The following ZNF805 variants were observed in gnomAD, a reference collection of about 807,000 sequenced individuals.
ZNF805 encodes zinc finger protein 805, also known as CTC-444N24.8.
Under a neutral mutation model 13.6 loss-of-function variants are expected in ZNF805, and 7 were observed. The observed-to-expected ratio is 0.51, with a 90% CI of 0.29 to 0.97. The LOEUF is 0.97. Among genes scored for constraint, ZNF805 ranks in the 50% least tolerant of loss-of-function variants. The probability of loss-of-function intolerance (pLI) is 0.08; values close to 1 mark genes in which losing one functional copy is unlikely to be tolerated. For synonymous variants in ZNF805, 293 were observed against 279.8 expected, an observed-to-expected ratio of 1.05 and a Z score of -0.47; for missense variants, 604 against 771.0, an observed-to-expected ratio of 0.78 and a Z score of 2.57.
intron 1 of ZNF805, among the ~76,000 whole-genome samples, chr19:57,241,495 A>T (rs1390627270): frequency 6.6e-6 from 1 of 152,146 alleles, no homozygotes; most frequent in Non-Finnish European, 1.5e-5. Context: ...TAATTGCTTG[A>T]AGGATGGATG....
At position 57,252,648 on chromosome 19, in the gene ZNF805, G is replaced by A. The variant is rs2087658662; in HGVS notation, c.254-425G>A. 3.3e-5 allele frequency among the ~76,000 whole-genome samples: 5 copies of A among 152,188 alleles called. No individual in the cohort carries two copies. The South Asian group carries it at 1.0e-3, about 32-fold the overall frequency. On this transcript the variant is annotated intron_variant, in intron 3 of 3. Transcript: ENST00000414468. ...GACATTGCCCACATTGCCATGTGAA[G>A]TTTCCAGCCTTCGTCCCTTTTCCAG...
rs777947186 is a variant in ZNF805, at chr19:57,253,566, C to T, written c.747C>T (p.His249=). The T allele has an allele frequency of 1.9e-6, 3 of 1,614,038 alleles. No individual in the cohort carries two copies. Among genetic ancestry groups the T allele is most frequent in the Non-Finnish European group, 2.5e-6 (3 of 1,179,952 alleles). ...GCAAGAGTACATACCTCCTGCAGCA[C>T]CACATGGTCCACACTGGGGAGAAGC... The part of the protein sequence containing the change: ...TFSKSTYLLQ[H]HMVHTGEKPY... The change falls in exon 4 of 4, where the codon CAC becomes CAT. Residue 249 remains histidine, a synonymous_variant. Coordinates refer to ENST00000414468, the MANE Select transcript of ZNF805 (RefSeq NM_001023563.4). This position sits in a 1 kb window ranked among gnomAD's most constrained non-coding sequence, Gnocchi z 4.4.
chr19:57,254,529 A>G lies in ZNF805; in HGVS notation c.1710A>G (p.Thr570=). The G allele has an allele frequency of 1.2e-6, 2 of 1,614,210 alleles. No homozygotes were observed. The highest frequency in any genetic ancestry group is 1.7e-6 in the Non-Finnish European group (2 of 1,180,038). The change falls in exon 4 of 4, where the codon ACA becomes ACG. Residue 570 remains threonine (T), a synonymous_variant. Coordinates refer to ENST00000414468, the MANE Select transcript of ZNF805 (RefSeq NM_001023563.4). ...CTGGGAGAAATCCTATCAGTGTAAC[A>G]GATGTGGGAAGACCTTTTACAAGTG... ...MHTGRNPISV[T]DVGRPFTSGQ...
In ZNF805 at chr19:57,248,636, C is replaced by T. The variant is rs778361515; in HGVS notation, c.189C>T (p.Tyr63=). The T allele has an allele frequency of 6.3e-7, 1 of 1,599,684 alleles. No homozygotes were observed. ...CTGTTCCCAGACCTGAGCTGATCTA[C>T]CACCTAGAGCATGGGCAGGAGCCAT... The part of the protein sequence containing the change: ...GCPVPRPELI[Y]HLEHGQEPWT... Residue 63 remains tyrosine (Y), a synonymous_variant, in exon 3 of 4, where the codon TAC becomes TAT. Transcript: ENST00000414468.
Position 57,253,842 on chromosome 19 carries a change from T to G in ZNF805, c.1023T>G (p.Asn341Lys), listed in dbSNP as rs779028167. The change falls in exon 4 of 4, where the codon AAT becomes AAG. Residue 341 changes from asparagine (N) to lysine (K), a missense_variant. Asn to Lys is a moderately conservative substitution (Grantham distance 94). Around this residue, in one of 3 missense-constraint regions of ZNF805, gnomAD observed 228 missense variants for 352.8 expected, o/e 0.65. Coordinates refer to ENST00000414468, the MANE Select transcript of ZNF805 (RefSeq NM_001023563.4). This position sits in a 1 kb window ranked among gnomAD's most constrained non-coding sequence, Gnocchi z 4.4. Reference sequence around the variant, plus strand: ...ACTACATCATCCACAGTGGTGAGAATCCCTACGAGTGCTTCGAATGTGGCA... The same window carrying G: ...ACTACATCATCCACAGTGGTGAGAAGCCCTACGAGTGCTTCGAATGTGGCA... ...IRHYIIHSGE[N>K]PYECFECGKV... 3.7e-6 allele frequency: 6 copies of G among 1,613,496 alleles called. No individual in the cohort carries two copies. Among genetic ancestry groups the G allele is most frequent in the Non-Finnish European group, 5.1e-6 (6 of 1,179,910 alleles).
intron 1 of ZNF805, among the ~76,000 whole-genome samples, chr19:57,242,441 G>A (rs916117619): frequency 6.6e-5 from 10 of 152,214 alleles, no homozygotes; most frequent in Non-Finnish European, 1.3e-4. Context: ...GGCCTGGAAG[G>A]GCAAAATCCT....
chr19:57,240,871 C>T lies in ZNF805; in HGVS notation c.-21C>T. Reference sequence around the variant, plus strand: ...CCTGCTCGCCGCAGCCCCCGCCCCGCTAGGGCCACAGGGTCCCGGTATGGC... The same window carrying T: ...CCTGCTCGCCGCAGCCCCCGCCCCGTTAGGGCCACAGGGTCCCGGTATGGC... On this transcript the variant is annotated 5_prime_UTR_variant, in exon 1 of 4. Transcript: ENST00000414468. 6.5e-7 allele frequency: 1 copy of T among 1,549,892 alleles called. No individual in the cohort carries two copies. The highest frequency in any genetic ancestry group is 8.7e-7 in the Non-Finnish European group (1 of 1,146,028).
intron 1 of ZNF805, among the ~76,000 whole-genome samples, chr19:57,242,300 T>A (rs2122824143): frequency 6.6e-6 from 1 of 152,314 alleles, no homozygotes; most frequent in Non-Finnish European, 1.5e-5. Context: ...CAGTGGCCAT[T>A]GGAAGCGAAA....
chr19:57,241,619 C>G (rs2087580491), intron 1 of ZNF805, among the ~76,000 whole-genome samples: 1 of 151,084 alleles, frequency 6.6e-6, no homozygotes, highest in African/African-American at 2.4e-5. Flanking sequence ...CCTTCCTTTC[C>G]TCCCTGGCTC....
chr19:57,241,455 T>C (rs2087579449), intron 1 of ZNF805, among the ~76,000 whole-genome samples: 1 of 152,118 alleles, frequency 6.6e-6, no homozygotes, highest in Non-Finnish European at 1.5e-5. Context: ...TTTCCACTGC[T>C]AAAGTGTCAG....
chr19:57,247,317 C>T (rs1023873366), intron 2 of ZNF805, among the ~76,000 whole-genome samples: 1 of 152,202 alleles, frequency 6.6e-6, no homozygotes, highest in African/African-American at 2.4e-5. Context: ...AGGATGAATC[C>T]TCCAGCTCAC....
rs1339074000 is a variant in ZNF805, at chr19:57,248,693, C to T, written c.246C>T (p.Thr82=). ...WTRKEDLSQG[T]CPGDKGKPKS... is the part of the protein sequence containing the mutation. ...GGAAGGAAGACCTCTCCCAAGGCAC[C>T]TGTCCAGGTAGGAGCCAAGATCTGG... Residue 82 remains threonine, a synonymous_variant, in exon 3 of 4, where the codon ACC becomes ACT. Coordinates refer to ENST00000414468, the MANE Select transcript of ZNF805 (RefSeq NM_001023563.4). The T allele has an allele frequency of 6.3e-7, 1 of 1,588,328 alleles. No individual in the cohort carries two copies. Among genetic ancestry groups the T allele is most frequent in the Admixed American group, 1.8e-5 (1 of 56,246 alleles).
chr19:57,248,401 GACTT>G (rs1264800492), intron 2 of ZNF805, among the ~76,000 whole-genome samples, 200 bp from the exon 3 acceptor site: 1 of 152,148 alleles, frequency 6.6e-6, no homozygotes, highest in Non-Finnish European at 1.5e-5. Context: ...ACTAGTTTTT[GACTT>G]ACTATTAGGA....
intron 2 of ZNF805, among the ~76,000 whole-genome samples, chr19:57,246,746 A>G (rs1449739577): frequency 6.6e-6 from 1 of 150,870 alleles, no homozygotes; most frequent in Admixed American, 6.6e-5. Flanking sequence ...ACTGCACTCC[A>G]GCCTGATGAC....
In ZNF805 at chr19:57,259,351, T is replaced by C. The variant is rs1447334908; in HGVS notation, c.*4648T>C. On this transcript the variant is annotated 3_prime_UTR_variant, in exon 4 of 4. Transcript: ENST00000414468. The stretch of plus-strand genomic sequence containing the variant: ...TTACCCCCTTTTTCTGGTCTATTTT[T>C]CCCTTTTTTTCATATTGGTTAATTT... 3.9e-5 allele frequency among the ~76,000 whole-genome samples: 6 copies of C among 152,180 alleles called. No individual in the cohort carries two copies. The highest frequency in any genetic ancestry group is 8.8e-5 in the Non-Finnish European group (6 of 68,028).
intron 3 of ZNF805, among the ~76,000 whole-genome samples, chr19:57,250,361 T>G (rs1301077978): frequency 6.6e-6 from 1 of 152,180 alleles, no homozygotes; most frequent in Non-Finnish European, 1.5e-5. Context: ...GCCTTCCGAA[T>G]AGCTGGGATT....
chr19:57,250,512 G>A (rs773041121), intron 3 of ZNF805, among the ~76,000 whole-genome samples: 6 of 152,120 alleles, frequency 3.9e-5, no homozygotes, highest in Admixed American at 1.3e-4. Context: ...GATTACAGGC[G>A]TGAGACACCG....
intron 2 of ZNF805, among the ~76,000 whole-genome samples, chr19:57,244,582 A>G (rs2087600266): frequency 8.6e-6 from 1 of 116,258 alleles, no homozygotes; most frequent in Non-Finnish European, 2.1e-5. Context: ...TTTGGCTCTC[A>G]GCCAAAGGAG....
chr19:57,250,806 C>T (rs976068265), intron 3 of ZNF805, among the ~76,000 whole-genome samples: 37 of 152,252 alleles, frequency 2.4e-4, no homozygotes, highest in Non-Finnish European at 4.4e-5. Context: ...CCTCTCATAT[C>T]GGTAGCTTCT....
Sources: gnomAD v4.1 joint callset for allele counts (sites outside exome capture counted in the v4.1 genomes callset) on GRCh38, gnomAD v4.1.1 for gene constraint, gnomAD v4.1.1 regional missense constraint, Gnocchi (gnomAD v3.1) non-coding constraint, MANE v1.5 for transcripts, NCBI Gene and HGNC (gene_info 2026-07-23, HGNC 2026-07-21) for gene names.